Variants in TMTC2 observed in about 807,000 individuals in gnomAD.
TMTC2 encodes the protein protein O-mannosyl-transferase TMTC2.
A neutral mutation model predicts 82.4 loss-of-function variants in TMTC2; 43 were observed. The ratio of observed to expected loss-of-function variants is 0.52; its 90% CI spans 0.41 to 0.67. The LOEUF is 0.67. Ranked by LOEUF, TMTC2 falls within the 30% of genes least tolerant of loss-of-function variation. The pLI is 0.00. For missense variants in TMTC2, 919 were observed against 1,012.4 expected, an observed-to-expected ratio of 0.91 and a Z score of 1.25; for synonymous variants, 408 against 381.9, an observed-to-expected ratio of 1.07 and a Z score of -0.80.
Position 82,895,740 on chromosome 12 carries a change from T to C in TMTC2, c.655-78T>C, listed in dbSNP as rs867141888. 19 of 1,301,250 alleles carry C rather than the reference T, an allele frequency of 1.5e-5. No homozygotes were observed. The Middle Eastern group carries it at 8.0e-4, about 55-fold the overall frequency. The allele number at this position is 1,301,250 out of a possible 1,614,324, so 80.6% of individuals were successfully genotyped here. On this transcript the variant is annotated intron_variant, in intron 2 of 11. Transcript: ENST00000321196. ...TTTTAACGGTCCATTTAAAAATGTA[T>C]TTTATCTCTAAGTGTTAAGTGTTCC...
chr12:82,860,036 C>T (rs1056624116), intron 2 of TMTC2, among the ~76,000 whole-genome samples: 1 of 152,094 alleles, frequency 6.6e-6, no homozygotes, highest in Non-Finnish European at 1.5e-5. Context: ...TGCAGTGGCA[C>T]GATCTCAGCT....
chr12:82,924,643 T>C (rs1220511454), intron 3 of TMTC2, among the ~76,000 whole-genome samples: 1 of 152,184 alleles, frequency 6.6e-6, no homozygotes, highest in African/African-American at 2.4e-5. Context: ...TTGTTGATGA[T>C]TTTTAATTTC....
chr12:82,958,789 C>T (rs1360312351), intron 4 of TMTC2, among the ~76,000 whole-genome samples: 3 of 152,046 alleles, frequency 2.0e-5, no homozygotes, highest in Non-Finnish European at 2.9e-5. Flanking sequence ...GATGCCGACT[C>T]TCACCACTCC....
chr12:82,939,626 G>A (rs1876594392), intron 4 of TMTC2, among the ~76,000 whole-genome samples: 1 of 151,908 alleles, frequency 6.6e-6, no homozygotes, highest in Non-Finnish European at 1.5e-5. Context: ...TACCTAAAGT[G>A]GATATGTTTA....
At chr12:83,126,907 T>C (rs538490693) in intron 11 of TMTC2, among the ~76,000 whole-genome samples, 2 of 152,270 alleles carry the variant, frequency 1.3e-5, no homozygotes, top group African/African-American at 4.8e-5. Flanking sequence ...ATCCATTAAA[T>C]GTATGCATAA....
chr12:82,885,925 C>A (rs1027798105), intron 2 of TMTC2, among the ~76,000 whole-genome samples: 1 of 152,124 alleles, frequency 6.6e-6, no homozygotes, highest in Admixed American at 6.5e-5. Context: ...GAATTATGCT[C>A]CCCTTTTTTG....
rs1871293460 is a variant in TMTC2, at chr12:82,857,085, G to A, written c.159G>A (p.Gly53=). ...ACATTTTCTACAATGATTTTTGGGG[G>A]ACTCTTCTAACCCACAGTGGCAGCC... The part of the protein sequence containing the change: ...WTHIFYNDFW[G]TLLTHSGSHK... The change falls in exon 2 of 12, where the codon GGG becomes GGA. Residue 53 remains glycine (G), a synonymous_variant. Coordinates refer to ENST00000321196, the MANE Select transcript of TMTC2 (RefSeq NM_152588.3). The A allele has an allele frequency of 6.2e-7, 1 of 1,613,550 alleles. No homozygotes were observed. The highest frequency in any genetic ancestry group is 1.1e-5 in the South Asian group (1 of 91,078).
At position 83,132,679 on chromosome 12, in the gene TMTC2, T is replaced by G; in HGVS notation, c.*290T>G. 3.0e-6 allele frequency: 1 copy of G among 328,204 alleles called. No individual in the cohort carries two copies. Among genetic ancestry groups the G allele is most frequent in the Non-Finnish European group, 5.5e-6 (1 of 182,582 alleles). The allele number at this position is 328,204 out of a possible 1,614,324, so 20.3% of individuals were successfully genotyped here. A position where few individuals can be genotyped will look rare whatever the true frequency, so the allele number is the denominator to read the frequency against. On this transcript the variant is annotated 3_prime_UTR_variant, in exon 12 of 12. Transcript: ENST00000321196. ...GCATTCTTAAAAAGGGAGGGGTGGG[T>G]GTGTAAGTCACAGATTTTGTTCATT...
At chr12:82,922,263 A>G (rs1366172041) in intron 3 of TMTC2, among the ~76,000 whole-genome samples, 1 of 152,252 alleles carries the variant, frequency 6.6e-6, no homozygotes, top group Non-Finnish European at 1.5e-5. Context: ...AATGCACATT[A>G]TATTAAATGT....
intron 1 of TMTC2, among the ~76,000 whole-genome samples, chr12:82,820,910 C>T (rs1452490140): frequency 1.3e-5 from 2 of 152,158 alleles, no homozygotes; most frequent in African/African-American, 2.4e-5. Flanking sequence ...CAAGGTCTCA[C>T]TCTGTTGCCT....
intron 1 of TMTC2, among the ~76,000 whole-genome samples, chr12:82,741,920 A>G (rs542352576): frequency 6.6e-5 from 10 of 152,308 alleles, no homozygotes; most frequent in African/African-American, 1.9e-4. Context: ...AAGAAGAGCA[A>G]TGACCAAGAT....
At chr12:82,765,003 G>C (rs1460039095) in intron 1 of TMTC2, among the ~76,000 whole-genome samples, 1 of 151,922 alleles carries the variant, frequency 6.6e-6, no homozygotes, top group African/African-American at 2.4e-5. Flanking sequence ...GTAAAGGTAA[G>C]CTATCAATTT....
At chr12:82,762,749 G>A (rs1432866025) in intron 1 of TMTC2, among the ~76,000 whole-genome samples, 1 of 152,076 alleles carries the variant, frequency 6.6e-6, no homozygotes, top group Non-Finnish European at 1.5e-5. Context: ...TAAATACTGT[G>A]AATTTTAAAA....
In TMTC2 at chr12:83,018,024, G is replaced by A. The variant is rs574828293; in HGVS notation, c.2071-12774G>A. ...TCCTCATATATATAATATATATATA[G>A]TATATATATATTGTGTGTGTGTATG... On this transcript the variant is annotated intron_variant, in intron 8 of 11. Transcript: ENST00000321196. Among the ~76,000 whole-genome samples, 343 of 142,632 alleles carry A rather than the reference G, an allele frequency of 2.4e-3. 3 individuals are homozygous for A. Among genetic ancestry groups the A allele is most frequent in the African/African-American group, 8.5e-3 (327 of 38,562 alleles). 93.6% of individuals were successfully genotyped at this position (142,632 alleles called of 152,430 possible). A position where few individuals can be genotyped will look rare whatever the true frequency, so the allele number is the denominator to read the frequency against.
chr12:83,058,293 T>TA (rs1196774495), intron 10 of TMTC2, among the ~76,000 whole-genome samples: 5 of 151,844 alleles, frequency 3.3e-5, no homozygotes, highest in African/African-American at 4.8e-5. Flanking sequence ...TCACTGATGG[T>TA]AAAAAAACAA....
At chr12:82,717,639 C>T (rs541554400) in intron 1 of TMTC2, among the ~76,000 whole-genome samples, 2 of 152,094 alleles carry the variant, frequency 1.3e-5, no homozygotes, top group Non-Finnish European at 2.9e-5. Context: ...TTGACAAATG[C>T]AAAGCAGGAA....
chr12:82,983,647 GA>G (rs1879026774), intron 7 of TMTC2, among the ~76,000 whole-genome samples: 2 of 151,918 alleles, frequency 1.3e-5, no homozygotes, highest in Non-Finnish European at 2.9e-5. Context: ...ATTTTTATAT[GA>G]AAAGTAGAAG....
In TMTC2 at chr12:82,704,426, A is replaced by T. The variant is rs184717029; in HGVS notation, c.83+16757A>T. ...AACCATCTTTGGAAGCACATATAAA[A>T]GTAGAGTAAATACATCGAATGTAGC... On this transcript the variant is annotated intron_variant, in intron 1 of 11. Transcript: ENST00000321196. Among the ~76,000 whole-genome samples the T allele has an allele frequency of 2.0e-5, 3 of 152,340 alleles. No homozygotes were observed. The East Asian group carries it at 5.8e-4, about 29-fold the overall frequency.
chr12:82,705,158 A>G (rs2136904466), intron 1 of TMTC2, among the ~76,000 whole-genome samples: 1 of 152,330 alleles, frequency 6.6e-6, no homozygotes, highest in African/African-American at 2.4e-5. Context: ...AAGGCATAAG[A>G]ATGACACAAT....
Sources: allele counts gnomAD v4.1 joint callset (sites outside exome capture counted in the v4.1 genomes callset), GRCh38; gene constraint gnomAD v4.1.1; transcripts MANE v1.5; gene names NCBI Gene and HGNC (gene_info 2026-07-23, HGNC 2026-07-21).